The following IL16 variants were observed in gnomAD, a reference collection of about 807,000 sequenced individuals.
The protein encoded by IL16 is pro-interleukin-16.
Under a neutral mutation model 110.1 loss-of-function variants are expected in IL16, and 67 were observed. The ratio of observed to expected loss-of-function variants is 0.61; its 90% CI spans 0.50 to 0.75. The LOEUF is 0.75. IL16 is among the 30% of genes least tolerant of loss of function. The probability of loss-of-function intolerance (pLI) is 0.00; values close to 1 mark genes in which losing one functional copy is unlikely to be tolerated. For missense variants in IL16, 1,545 were observed against 1,655.0 expected (o/e 0.93, Z 1.15); for synonymous variants, 689 against 662.9 (o/e 1.04, Z -0.61).
chr15:81,296,832 A>C, intron 12 of IL16, 96 bp from the exon 13 acceptor site: 2 of 1,115,576 alleles, frequency 1.8e-6, no homozygotes, highest in Non-Finnish European at 2.6e-6. Context: ...AAAGCAGCTC[A>C]ATATCCGTTT....
rs1040764180 is a variant in IL16, at chr15:81,190,667, C to T, written c.40+7771C>T. Among the ~76,000 whole-genome samples, 7 of 152,084 alleles carry T rather than the reference C, an allele frequency of 4.6e-5. No homozygotes were observed. In the East Asian group the frequency reaches 1.2e-3, roughly 25 times the overall value. On this transcript the variant is annotated intron_variant, in intron 1 of 18. Coordinates refer to the IL16 transcript ENST00000302987. ...TGGTGAGCAGGCCTATGCAAACCTA[C>T]CCCCAAAGGCTGAGGAAGTTGAGGG...
At chr15:81,196,041 C>T (rs1312090618), upstream of IL16, among the ~76,000 whole-genome samples, 1 of 152,164 alleles carries the variant, frequency 6.6e-6, no homozygotes, top group Middle Eastern at 3.2e-3. Context: ...TTTGTGAAAA[C>T]AGAGTGCCAG....
chr15:81,301,649 A>C (rs1158736887), intron 15 of IL16, 137 bp downstream of exon 15: 1 of 669,490 alleles, frequency 1.5e-6, no homozygotes, highest in Non-Finnish European at 2.5e-6. Context: ...ATGGTGGGAC[A>C]CTGTAGCACT....
intron 1 of IL16, among the ~76,000 whole-genome samples, chr15:81,191,480 A>G (rs1011598167): frequency 6.6e-6 from 1 of 152,118 alleles, no homozygotes; most frequent in African/African-American, 2.4e-5. Context: ...ATGTTTATCA[A>G]CCCTTTATGG....
At chr15:81,189,002 G>T (rs900045259) in intron 1 of IL16, among the ~76,000 whole-genome samples, 1 of 152,098 alleles carries the variant, frequency 6.6e-6, no homozygotes, top group African/African-American at 2.4e-5. Flanking sequence ...GAGTGCAGTG[G>T]TATGATCAAG....
chr15:81,223,303 A>T (rs1397002785), intron 1 of IL16, among the ~76,000 whole-genome samples: 1 of 152,206 alleles, frequency 6.6e-6, no homozygotes. Flanking sequence ...TCAAGAAGAC[A>T]TGAAGGGGAT....
At chr15:81,216,129 A>AG (rs1046802593) in intron 1 of IL16, among the ~76,000 whole-genome samples, 1 of 152,178 alleles carries the variant, frequency 6.6e-6, no homozygotes, top group Non-Finnish European at 1.5e-5. Flanking sequence ...CGCCTCCCAG[A>AG]GGGGAATAGA....
intron 1 of IL16, among the ~76,000 whole-genome samples, chr15:81,222,380 T>G (rs1896645649): frequency 1.3e-5 from 2 of 150,814 alleles, no homozygotes; most frequent in African/African-American, 2.5e-5. Context: ...GAGGGTTTTT[T>G]TTTTTTTTTT....
intron 1 of IL16, among the ~76,000 whole-genome samples, chr15:81,223,227 C>T (rs1896678071): frequency 1.3e-5 from 2 of 152,046 alleles, no homozygotes; most frequent in East Asian, 1.9e-4. Flanking sequence ...GAAGCTGACT[C>T]TGTGGGCTGA....
In IL16 at chr15:81,306,547, T is replaced by C. The variant is rs757334012; in HGVS notation, c.3805+2T>C. On this transcript the variant is annotated splice_donor_variant, in intron 18 of 18. Coordinates refer to ENST00000683961, the MANE Select transcript of IL16 (RefSeq NM_172217.5). LOFTEE classifies it high-confidence loss of function. ...TCACCATTAACAGGATTTTCAAAGG[T>C]GTGGGGTGTGTCTGGTTCTTTGCGT... is the stretch of plus-strand genomic sequence containing the variant. The C allele has an allele frequency of 1.2e-6, 2 of 1,612,008 alleles. No individual in the cohort carries two copies. The highest frequency in any genetic ancestry group is 3.3e-5 in the Admixed American group (2 of 60,010).
intron 6 of IL16, among the ~76,000 whole-genome samples, chr15:81,277,157 G>A (rs763536489): frequency 3.3e-5 from 5 of 152,112 alleles, no homozygotes; most frequent in Non-Finnish European, 7.3e-5. Context: ...GAGAATTAGT[G>A]AACTGGAAAT....
intron 4 of IL16, among the ~76,000 whole-genome samples, chr15:81,266,463 T>C (rs1898386189): frequency 6.6e-6 from 1 of 152,208 alleles, no homozygotes; most frequent in South Asian, 2.1e-4. Flanking sequence ...GTCCATGACC[T>C]TCCCACTACA....
chr15:81,250,165 C>G (rs1897717318), intron 2 of IL16, among the ~76,000 whole-genome samples: 1 of 152,128 alleles, frequency 6.6e-6, no homozygotes, highest in East Asian at 1.9e-4. Flanking sequence ...AGTTCTCTCT[C>G]TTAGAATCTT....
chr15:81,213,329 A>T (rs1896315258), intron 1 of IL16, among the ~76,000 whole-genome samples: 1 of 152,196 alleles, frequency 6.6e-6, no homozygotes, highest in Non-Finnish European at 1.5e-5. Flanking sequence ...ATGTTAGAAT[A>T]TGTTTCATGT....
chr15:81,243,098 A>G (rs1897390993), intron 2 of IL16, among the ~76,000 whole-genome samples: 1 of 135,322 alleles, frequency 7.4e-6, no homozygotes, highest in East Asian at 2.2e-4. Flanking sequence ...TCATATATTG[A>G]TGAATTCAAT....
At chr15:81,282,274 A>G (rs1372891342) in intron 8 of IL16, among the ~76,000 whole-genome samples, 2 of 152,034 alleles carry the variant, frequency 1.3e-5, no homozygotes, top group South Asian at 2.1e-4. Flanking sequence ...TTTTAGCCCA[A>G]CTGGTGTCTC....
At chr15:81,301,124 T>C (rs143090202) in intron 14 of IL16, among the ~76,000 whole-genome samples, 158 of 152,324 alleles carry the variant, frequency 1.0e-3, no homozygotes, top group African/African-American at 3.7e-3. Flanking sequence ...TTCCCTCTGA[T>C]CAAAGTAGCT....
At chr15:81,257,253 A>C (rs1464123203) in intron 2 of IL16, among the ~76,000 whole-genome samples, 5 of 152,258 alleles carry the variant, frequency 3.3e-5, no homozygotes, top group African/African-American at 1.2e-4. Context: ...GGGAATTGAC[A>C]TGTGGTTTCT....
At chr15:81,279,108 T>C (rs977301432) in intron 7 of IL16, among the ~76,000 whole-genome samples, 1 of 152,246 alleles carries the variant, frequency 6.6e-6, no homozygotes, top group South Asian at 2.1e-4. Flanking sequence ...TTAATATTTA[T>C]AAAATTGTTT....
Sources: allele counts gnomAD v4.1 joint callset (sites outside exome capture counted in the v4.1 genomes callset), GRCh38; gene constraint gnomAD v4.1.1; transcripts MANE v1.5; gene names NCBI Gene and HGNC (gene_info 2026-07-23, HGNC 2026-07-21).